The following ZFHX3 variants were observed in gnomAD, a reference collection of about 807,000 sequenced individuals.
The protein encoded by ZFHX3 is zinc finger homeobox protein 3.
In ZFHX3, 42 loss-of-function variants were observed where a neutral mutation model predicts 279.1. The ratio of observed to expected loss-of-function variants is 0.15; its 90% CI spans 0.12 to 0.19. The LOEUF (loss-of-function observed/expected upper bound fraction) is 0.19. Among genes scored for constraint, ZFHX3 ranks in the 10% least tolerant of loss-of-function variants. The pLI is 1.00. For synonymous variants in ZFHX3, 2,293 were observed against 1,957.8 expected (o/e 1.17, Z -4.52); for missense variants, 4,981 against 4,754.0 (o/e 1.05, Z -1.40).
intron 1 of ZFHX3, among the ~76,000 whole-genome samples, chr16:73,792,860 C>CCG (rs1555501996): frequency 6.9e-6 from 1 of 144,422 alleles, no homozygotes; most frequent in East Asian, 2.1e-4. Context: ...CAGTGCACCC[C>CCG]CCCCCTCCCC....
intron 1 of ZFHX3, among the ~76,000 whole-genome samples, chr16:73,740,324 T>C (rs1409608547): frequency 1.3e-5 from 2 of 152,120 alleles, no homozygotes; most frequent in African/African-American, 2.4e-5. Context: ...ACTGAGCAGA[T>C]ACGAGGCAGG....
chr16:72,950,841 G>A lies in ZFHX3; in HGVS notation c.2844C>T (p.Ala948=), dbSNP rs746598547. The part of the protein sequence containing the change: ...NDPSLKLFQC[A]VCNKFTTDNL... ...TGTCCGTCGTGAACTTGTTGCAGACGGCGCACTGGAAGAGCTTCAGCGACG... is the reference window on the plus strand; with the variant it reads ...TGTCCGTCGTGAACTTGTTGCAGACAGCGCACTGGAAGAGCTTCAGCGACG... The change falls in exon 3 of 10, where the codon GCC becomes GCT. Residue 948 remains alanine (A), a synonymous_variant. Coordinates refer to ENST00000268489, the MANE Select transcript of ZFHX3 (RefSeq NM_006885.4). 9.3e-6 allele frequency: 15 copies of A among 1,614,036 alleles called. No individual in the cohort carries two copies. Among genetic ancestry groups the A allele is most frequent in the Admixed American group, 1.7e-5 (1 of 60,010 alleles).
intron 9 of ZFHX3, among the ~76,000 whole-genome samples, chr16:72,791,809 T>G (rs1381965010): frequency 6.6e-6 from 1 of 152,202 alleles, no homozygotes; most frequent in Non-Finnish European, 1.5e-5. Context: ...TCTTAATGCT[T>G]TCTTTTCTTA....
At chr16:73,068,086 T>C (rs1475138161) in intron 8 of ZFHX3, among the ~76,000 whole-genome samples, 1 of 152,124 alleles carries the variant, frequency 6.6e-6, no homozygotes, top group Non-Finnish European at 1.5e-5. Flanking sequence ...TTCCAAATAA[T>C]TGCATTCAGT....
intron 3 of ZFHX3, among the ~76,000 whole-genome samples, chr16:73,349,227 T>C (rs2016178448): frequency 6.6e-6 from 1 of 152,184 alleles, no homozygotes; most frequent in African/African-American, 2.4e-5. Flanking sequence ...GGCAAAGGCT[T>C]GGAAGGCAAC....
At chr16:72,826,350 A>G (rs1567535403) in intron 5 of ZFHX3, among the ~76,000 whole-genome samples, 1 of 152,214 alleles carries the variant, frequency 6.6e-6, no homozygotes, top group African/African-American at 2.4e-5. Flanking sequence ...CCCATCTGAA[A>G]TATTATTAAT....
chr16:73,185,828 A>T (rs1263584038), intron 5 of ZFHX3, among the ~76,000 whole-genome samples: 1 of 152,118 alleles, frequency 6.6e-6, no homozygotes, highest in Non-Finnish European at 1.5e-5. Flanking sequence ...ACGGACCAGT[A>T]CTGGTCCATG....
intron 2 of ZFHX3, among the ~76,000 whole-genome samples, chr16:73,503,529 C>G (rs1002965136): frequency 6.6e-6 from 1 of 152,194 alleles, no homozygotes; most frequent in Non-Finnish European, 1.5e-5. Flanking sequence ...AGATTGACAG[C>G]TGCACATCCA....
intron 4 of ZFHX3, among the ~76,000 whole-genome samples, chr16:73,313,062 G>A (rs1391128242): frequency 6.6e-6 from 1 of 152,092 alleles, no homozygotes; most frequent in East Asian, 1.9e-4. Flanking sequence ...CTGGATCATG[G>A]GGGCAGATTT....
At chr16:73,877,648 C>G (rs1000774064) in intron 1 of ZFHX3, among the ~76,000 whole-genome samples, 5 of 151,828 alleles carry the variant, frequency 3.3e-5, no homozygotes, top group African/African-American at 7.3e-5. Flanking sequence ...TAGAAAGAAA[C>G]AGTATTGATA....
At chr16:73,531,867 T>C (rs562185666) in intron 2 of ZFHX3, among the ~76,000 whole-genome samples, 1 of 151,100 alleles carries the variant, frequency 6.6e-6, no homozygotes, top group African/African-American at 2.4e-5. Flanking sequence ...GGCAGGAAGA[T>C]TGCTTAAGAC....
At chr16:73,333,783 G>A (rs2015852396) in intron 3 of ZFHX3, among the ~76,000 whole-genome samples, 2 of 110,842 alleles carry the variant, frequency 1.8e-5, no homozygotes, top group Admixed American at 2.4e-4. Context: ...TGAGGTCAAA[G>A]GAAGTTTTCA....
chr16:73,734,428 G>A (rs555663704), intron 1 of ZFHX3, among the ~76,000 whole-genome samples: 20 of 152,142 alleles, frequency 1.3e-4, no homozygotes, highest in Non-Finnish European at 1.3e-4. Context: ...TGAAGAGATG[G>A]ATAATTTTCT....
intron 3 of ZFHX3, among the ~76,000 whole-genome samples, chr16:73,367,052 C>A (rs2016543110): frequency 6.6e-6 from 1 of 152,148 alleles, no homozygotes; most frequent in African/African-American, 2.4e-5. Flanking sequence ...CACACACTTT[C>A]TCTCCCACAG....
intron 3 of ZFHX3, among the ~76,000 whole-genome samples, chr16:73,392,884 G>T (rs369599078): frequency 4.1e-4 from 63 of 152,270 alleles, no homozygotes; most frequent in African/African-American, 1.3e-3. Context: ...GCCCAGGCTG[G>T]AGTGCAGTGG....
intron 1 of ZFHX3, among the ~76,000 whole-genome samples, chr16:73,025,715 C>A (rs1250917053): frequency 6.6e-6 from 1 of 152,080 alleles, no homozygotes. Context: ...CAGGGCCCAA[C>A]CGAAAAAGAT....
chr16:73,787,814 AGTGTGTGTGTGT>A (rs72236616), intron 1 of ZFHX3, among the ~76,000 whole-genome samples: 51 of 138,070 alleles, frequency 3.7e-4, no homozygotes, highest in African/African-American at 5.0e-4. Context: ...GTTTTCTTAA[AGTGTGTGTGTGT>A]GTGTGTGTGT....
At chr16:72,875,050 C>T (rs1007528961) in intron 4 of ZFHX3, among the ~76,000 whole-genome samples, 8 of 152,214 alleles carry the variant, frequency 5.3e-5, no homozygotes, top group African/African-American at 1.7e-4. Flanking sequence ...TGATGCTGTG[C>T]TCCCATCAAG....
intron 2 of ZFHX3, among the ~76,000 whole-genome samples, chr16:73,517,916 AT>A (rs1012719604): frequency 1.7e-4 from 26 of 152,364 alleles, no homozygotes; most frequent in African/African-American, 5.3e-4. Context: ...ACATAAAAAA[AT>A]AAGTGAAATT....
Sources: allele counts gnomAD v4.1 joint callset (sites outside exome capture counted in the v4.1 genomes callset), GRCh38; gene constraint gnomAD v4.1.1; transcripts MANE v1.5; gene names NCBI Gene and HGNC (gene_info 2026-07-23, HGNC 2026-07-21).